VPS13D: variants seen among roughly 807,000 people sequenced by gnomAD.
The protein encoded by VPS13D is vacuolar protein sorting 13 homolog D, also known as intermembrane lipid transfer protein VPS13D.
Under a neutral mutation model 461.9 loss-of-function variants are expected in VPS13D, and 187 were observed. That is an observed-to-expected ratio of 0.40 (90% CI 0.36 to 0.46). The LOEUF (loss-of-function observed/expected upper bound fraction) is 0.46, where lower values mean the gene tolerates loss of function less well. Ranked by LOEUF, VPS13D falls within the 20% of genes least tolerant of loss-of-function variation. VPS13D has a pLI of 0.60. For missense variants in VPS13D, 4,711 were observed against 5,364.9 expected (o/e 0.88, Z 3.81); for synonymous variants, 1,951 against 1,986.3 (o/e 0.98, Z 0.47).
At chr1:12,244,128 A>G in intron 3 of VPS13D, 118 bp from the exon 4 acceptor site, 2 of 1,034,072 alleles carry the variant, frequency 1.9e-6, no homozygotes, top group Non-Finnish European at 2.7e-6. Context: ...GTTGTTTTAA[A>G]TAAAAAAAAG....
intron 40 of VPS13D, among the ~76,000 whole-genome samples, chr1:12,341,481 G>A (rs140393973): frequency 2.0e-5 from 3 of 152,210 alleles, no homozygotes; most frequent in African/African-American, 7.2e-5. Context: ...CACTGGGGAG[G>A]TCCATTTTTA....
chr1:12,312,406 G>A (rs1642778394), intron 29 of VPS13D, among the ~76,000 whole-genome samples: 3 of 152,204 alleles, frequency 2.0e-5, no homozygotes, highest in South Asian at 2.1e-4. Flanking sequence ...GAGTAGTTAC[G>A]GGGTGGGAGA....
intron 68 of VPS13D, chr1:12,500,157 C>A: frequency 2.0e-6 from 2 of 984,780 alleles, no homozygotes; most frequent in Non-Finnish European, 2.4e-6. Flanking sequence ...TCTCCCAGAT[C>A]GAGTTGCATT....
rs1398845294 is a variant in VPS13D at position 12,338,004 on chromosome 1, G to A, written c.8552-227G>A. 67 of 352,284 alleles carry A rather than the reference G, an allele frequency of 1.9e-4. No individual in the cohort carries two copies. In the East Asian group the frequency reaches 2.2e-3, roughly 12 times the overall value. 21.8% of individuals were successfully genotyped at this position (352,284 alleles called of 1,614,324 possible). The stretch of plus-strand genomic sequence containing the variant: ...CTAATTCAGGAAAAAAAAAAAAAAA[G>A]CATGTTACTTTGATCCAGCCTCCAC... On this transcript the variant is annotated intron_variant, in intron 39 of 69. Coordinates refer to ENST00000620676, the MANE Select transcript of VPS13D (RefSeq NM_015378.4).
At position 12,468,265 on chromosome 1, in the gene VPS13D, A is replaced by G. The variant is rs201835656; in HGVS notation, c.12662+7869A>G. Among the ~76,000 whole-genome samples the G allele has an allele frequency of 9.9e-5, 15 of 152,230 alleles. No homozygotes were observed. The East Asian group carries it at 2.1e-3, about 21-fold the overall frequency. On this transcript the variant is annotated intron_variant, in intron 67 of 69. Transcript: ENST00000620676. ...AAAAAATTTGTATTTTGTGCATTAG[A>G]GAAGGTTGAAGAGCCATTTGTTATT...
chr1:12,399,482 A>G (rs1347073604), intron 60 of VPS13D, among the ~76,000 whole-genome samples: 2 of 152,012 alleles, frequency 1.3e-5, no homozygotes, highest in Non-Finnish European at 2.9e-5. Flanking sequence ...GGTGTGAGCC[A>G]CTGCGCCTGG....
intron 29 of VPS13D, 118 bp downstream of exon 29, chr1:12,312,043 C>G: frequency 2.9e-6 from 2 of 683,042 alleles, no homozygotes; most frequent in Non-Finnish European, 2.3e-6. Flanking sequence ...ATGTTGTCTG[C>G]AGAGTGTCTT....
rs977040855 is a variant in VPS13D, at chr1:12,319,968, G to T, written c.7548+338G>T. Among the ~76,000 whole-genome samples, 10 of 152,346 alleles carry T rather than the reference G, an allele frequency of 6.6e-5. 1 individual carries two copies. The East Asian group carries it at 1.7e-3, about 26-fold the overall frequency. On this transcript the variant is annotated intron_variant, in intron 32 of 69. Transcript: ENST00000620676. ...CGTTCTGCAGACCTCGTCCATGAAG[G>T]TGAGGCCGTGGGTCTCATTTCCCCT... is the stretch of plus-strand genomic sequence containing the variant.
At chr1:12,478,603 G>A (rs1386842081) in intron 67 of VPS13D, 2 of 353,320 alleles carry the variant, frequency 5.7e-6, no homozygotes, top group East Asian at 7.4e-5. Context: ...CCCATCTGAG[G>A]TCATAAAGGA....
chr1:12,438,202 A>G (rs1263322606), intron 65 of VPS13D, among the ~76,000 whole-genome samples: 1 of 152,198 alleles, frequency 6.6e-6, no homozygotes, highest in Non-Finnish European at 1.5e-5. Flanking sequence ...TCATATGTTG[A>G]AATTCTAACC....
At position 12,277,779 on chromosome 1, in the gene VPS13D, G is replaced by T. The variant is rs1170652629; in HGVS notation, c.4191G>T (p.Leu1397Phe). 1 of 1,614,224 alleles carries T rather than the reference G, an allele frequency of 6.2e-7. No individual in the cohort carries two copies. Among genetic ancestry groups the T allele is most frequent in the Non-Finnish European group, 8.5e-7 (1 of 1,180,040 alleles). ...SIPRKPGSPE[L>F]LVGHLGQIFI... Reference sequence around the variant, plus strand: ...CTCGGAAGCCGGGGAGTCCTGAGTTGTTGGTGGGACACTTGGGACAGATAT... The same window carrying T: ...CTCGGAAGCCGGGGAGTCCTGAGTTTTTGGTGGGACACTTGGGACAGATAT... Residue 1397 changes from leucine (L) to phenylalanine (F), a missense_variant, in exon 19 of 70, where the codon TTG becomes TTT. Around this residue, in one of 3 missense-constraint regions of VPS13D, gnomAD observed 4,411 missense variants for 4,937.8 expected, o/e 0.89. Transcript: ENST00000620676.
intron 63 of VPS13D, among the ~76,000 whole-genome samples, chr1:12,406,531 T>C (rs1398454405): frequency 6.6e-6 from 1 of 152,224 alleles, no homozygotes; most frequent in Non-Finnish European, 1.5e-5. Flanking sequence ...AGGTTTACAC[T>C]GAGGGTACAT....
At chr1:12,377,119 G>T (rs1644209801) in intron 55 of VPS13D, among the ~76,000 whole-genome samples, 1 of 151,514 alleles carries the variant, frequency 6.6e-6, no homozygotes, top group Non-Finnish European at 1.5e-5. Flanking sequence ...GAGTGCAATG[G>T]CGCAATCTTG....
At chr1:12,400,960 G>GCACACACACACACACACACA (rs1348890891) in intron 61 of VPS13D, among the ~76,000 whole-genome samples, 1 of 130,964 alleles carries the variant, frequency 7.6e-6, no homozygotes, top group Non-Finnish European at 1.6e-5. Context: ...ACCTGCGCGC[G>GCACACACACACACACACACA]CGCACACACA....
At position 12,415,166 on chromosome 1, in the gene VPS13D, A is replaced by G; in HGVS notation, c.12110A>G (p.His4037Arg). 6.2e-7 allele frequency: 1 copy of G among 1,614,126 alleles called. No homozygotes were observed. The highest frequency in any genetic ancestry group is 8.5e-7 in the Non-Finnish European group (1 of 1,180,006). ...AATCTAGATCCATTCACTCGGGTAC[A>G]TCCCTATGAGACCAAGGAGTTCATC... ...VINLDPFTRVHPYETKEFIIN... is the reference protein window; with the variant it reads ...VINLDPFTRVRPYETKEFIIN... The change falls in exon 64 of 70, where the codon CAT (histidine) becomes CGT (arginine). Residue 4037 changes from histidine to arginine, a missense_variant. By Grantham distance (29) the His-to-Arg change is conservative. Transcript: ENST00000620676.
chr1:12,370,203 A>T (rs932423845), intron 54 of VPS13D, among the ~76,000 whole-genome samples: 2 of 152,164 alleles, frequency 1.3e-5, no homozygotes, highest in African/African-American at 4.8e-5. Flanking sequence ...GACTAGTTGT[A>T]TTTAGAAAAG....
chr1:12,403,009 G>T (rs931277612), intron 62 of VPS13D, among the ~76,000 whole-genome samples: 1 of 152,190 alleles, frequency 6.6e-6, no homozygotes, highest in South Asian at 2.1e-4. Flanking sequence ...AGCTGTTTCT[G>T]CTTCCTCAGC....
At chr1:12,294,982 G>A (rs951164636) in intron 24 of VPS13D, among the ~76,000 whole-genome samples, 3 of 151,962 alleles carry the variant, frequency 2.0e-5, no homozygotes, top group South Asian at 4.1e-4. Flanking sequence ...CAGCACTTTG[G>A]GGGGCGAGGC....
intron 66 of VPS13D, among the ~76,000 whole-genome samples, chr1:12,458,097 A>G (rs1570214368): frequency 6.6e-6 from 1 of 152,044 alleles, no homozygotes; most frequent in Non-Finnish European, 1.5e-5. Flanking sequence ...TTGCAAAATC[A>G]CCTCCCATCA....
Sources: gnomAD v4.1 joint callset for allele counts (sites outside exome capture counted in the v4.1 genomes callset) on GRCh38, gnomAD v4.1.1 for gene constraint, gnomAD v4.1.1 regional missense constraint, MANE v1.5 for transcripts, NCBI Gene and HGNC (gene_info 2026-07-23, HGNC 2026-07-21) for gene names.